Variants in HTR3B observed in about 807,000 individuals in gnomAD.
The protein encoded by HTR3B is 5-hydroxytryptamine (serotonin) receptor 3B, ionotropic.
A neutral mutation model predicts 42.8 loss-of-function variants in HTR3B; 44 were observed. That is an observed-to-expected ratio of 1.03 (90% CI 0.81 to 1.32). The LOEUF (loss-of-function observed/expected upper bound fraction) is 1.32. Among genes scored for constraint, HTR3B ranks in the 40% most tolerant of loss-of-function variants. The pLI, the probability that HTR3B is intolerant of heterozygous loss-of-function variation, is 0.00. For missense variants in HTR3B, 527 were observed against 536.5 expected (o/e 0.98, Z 0.17); for synonymous variants, 203 against 209.0 (o/e 0.97, Z 0.25).
chr11:113,926,537 T>TTTCCTTTCCTTTCCTTTCCTTTCC (rs1949977006), intron 2 of HTR3B, among the ~76,000 whole-genome samples: 1 of 77,414 alleles, frequency 1.3e-5, no homozygotes. Context: ...CCTTTCCTTT[T>TTTCCTTTCCTTTCCTTTCCTTTCC]TTTCTTTTTC....
intron 6 of HTR3B, among the ~76,000 whole-genome samples, chr11:113,935,798 A>G (rs1950086955): frequency 6.6e-6 from 1 of 152,144 alleles, no homozygotes; most frequent in African/African-American, 2.4e-5. Flanking sequence ...GTCTCAGTCC[A>G]GGCTGCCCAG....
rs796366651 is a variant in HTR3B, at chr11:113,910,265, A to G, written c.213+810A>G. Among the ~76,000 whole-genome samples, 80 of 152,124 alleles carry G rather than the reference A, an allele frequency of 5.3e-4. 1 individual carries two copies. The highest frequency in any genetic ancestry group is 5.0e-3 in the Admixed American group (76 of 15,256). Reference sequence around the variant, plus strand: ...TTTATTAAAGCATCCTTTTTCTCCTATGTCTGAAAGATGGGCTGTGGGAAT... The same window carrying G: ...TTTATTAAAGCATCCTTTTTCTCCTGTGTCTGAAAGATGGGCTGTGGGAAT... On this transcript the variant is annotated intron_variant, in intron 2 of 8. Coordinates refer to ENST00000260191, the MANE Select transcript of HTR3B (RefSeq NM_006028.5).
At chr11:113,903,640 C>A (rs1374403413), upstream of HTR3B, among the ~76,000 whole-genome samples, 2 of 151,870 alleles carry the variant, frequency 1.3e-5, no homozygotes, top group Non-Finnish European at 2.9e-5. Context: ...GTTGGTCAGG[C>A]TGGTCTCAAA....
intron 6 of HTR3B, among the ~76,000 whole-genome samples, chr11:113,934,316 A>G (rs1403136375): frequency 6.6e-6 from 1 of 152,020 alleles, no homozygotes; most frequent in Non-Finnish European, 1.5e-5. Flanking sequence ...AGATCATACC[A>G]CTGCGCTCCA....
Position 113,909,424 on chromosome 11 carries a change from T to C in HTR3B, c.182T>C (p.Leu61Pro). ...TGGACCAAGGCCACCACAGTCTACC[T>C]GGACCTGTTCGTCCATGCTATATTG... ...YNWTKATTVY[L>P]DLFVHAILDV... Residue 61 changes from leucine (L) to proline (P), a missense_variant, in exon 2 of 9, where the codon CTG becomes CCG. By Grantham distance (98) the Leu-to-Pro change is moderately conservative. Transcript: ENST00000260191. 1 of 1,614,178 alleles carries C rather than the reference T, an allele frequency of 6.2e-7. No individual in the cohort carries two copies.
chr11:113,911,101 C>G (rs564480395), intron 2 of HTR3B, among the ~76,000 whole-genome samples: 2 of 152,192 alleles, frequency 1.3e-5, no homozygotes, highest in African/African-American at 4.8e-5. Flanking sequence ...GCTGGGATTA[C>G]AGGCGTGAGC....
In HTR3B at chr11:113,945,940, A is replaced by T. The variant is rs1405646621; in HGVS notation, c.1129A>T (p.Thr377Ser). The change falls in exon 9 of 9, where the codon ACC becomes TCC. Residue 377 changes from threonine (T) to serine (S), a missense_variant. Thr to Ser is a moderately conservative substitution (Grantham distance 58, BLOSUM62 1). Transcript: ENST00000260191. ...TGGAGAGCACCTGGCCCAGCCAGGAACCCTGAAGGAAGTCTGGTCGCAGCT... is the reference window on the plus strand; with the variant it reads ...TGGAGAGCACCTGGCCCAGCCAGGATCCCTGAAGGAAGTCTGGTCGCAGCT... Reference protein sequence around the residue: ...LYGEHLAQPGTLKEVWSQLQS... With the variant: ...LYGEHLAQPGSLKEVWSQLQS... 1.2e-6 allele frequency: 2 copies of T among 1,614,148 alleles called. No individual in the cohort carries two copies. The highest frequency in any genetic ancestry group is 1.6e-4 in the Middle Eastern group (1 of 6,062).
At chr11:113,902,061 A>G (rs1296061385), upstream of HTR3B, among the ~76,000 whole-genome samples, 1 of 152,162 alleles carries the variant, frequency 6.6e-6, no homozygotes, top group Non-Finnish European at 1.5e-5. Context: ...TTCCCTCTTG[A>G]TGAAGCCCCA....
chr11:113,937,373 T>C (rs1176738), intron 6 of HTR3B, among the ~76,000 whole-genome samples: 12,711 of 152,252 alleles, frequency 0.083, 870 homozygotes, highest in African/African-American at 0.19. Flanking sequence ...AAACATCTTT[T>C]GAGTTCTTAC....
chr11:113,927,847 C>A (rs2137515288), intron 2 of HTR3B, among the ~76,000 whole-genome samples: 1 of 152,252 alleles, frequency 6.6e-6, no homozygotes, highest in Non-Finnish European at 1.5e-5. Context: ...GTGTGAGCCA[C>A]CGCACCCGGC....
chr11:113,908,269 G>A (rs1296282814), intron 1 of HTR3B, among the ~76,000 whole-genome samples: 1 of 152,058 alleles, frequency 6.6e-6, no homozygotes, highest in African/African-American at 2.4e-5. Flanking sequence ...TAAAGAAATG[G>A]GTATAAACAG....
chr11:113,932,824 G>A (rs888053289), intron 5 of HTR3B, 112 bp from the exon 6 acceptor site: 132 of 1,038,154 alleles, frequency 1.3e-4, no homozygotes, highest in Non-Finnish European at 1.6e-4. Flanking sequence ...CAAGGAGACT[G>A]TGCCTATGGG....
At position 113,908,939 on chromosome 11, in the gene HTR3B, T is replaced by A. The variant is rs529933199; in HGVS notation, c.53-356T>A. The A allele has an allele frequency of 1.5e-5, 5 of 326,750 alleles. No individual in the cohort carries two copies. The South Asian group carries it at 5.3e-4, about 35-fold the overall frequency. 20.2% of individuals were successfully genotyped at this position (326,750 alleles called of 1,614,324 possible). A position where few individuals can be genotyped will look rare whatever the true frequency, so the allele number is the denominator to read the frequency against. On this transcript the variant is annotated intron_variant, in intron 1 of 8. Coordinates refer to ENST00000260191, the MANE Select transcript of HTR3B (RefSeq NM_006028.5). ...ACGCGGGAGTTAAGTTTTGGCTAAG[T>A]GTGTAGGTGGGTTTTTTCTAGATGC...
chr11:113,903,800 G>C (rs1408258640), upstream of HTR3B, among the ~76,000 whole-genome samples: 2 of 152,096 alleles, frequency 1.3e-5, no homozygotes, highest in Non-Finnish European at 2.9e-5. Flanking sequence ...CCAAAACCAA[G>C]TCAACACCAA....
chr11:113,947,399 G>T lies in HTR3B; in HGVS notation c.*1262G>T, dbSNP rs1950188552. Among the ~76,000 whole-genome samples, 1 of 152,208 alleles carries T rather than the reference G, an allele frequency of 6.6e-6. No individual in the cohort carries two copies. Among genetic ancestry groups the T allele is most frequent in the South Asian group, 2.1e-4 (1 of 4,836 alleles). On this transcript the variant is annotated 3_prime_UTR_variant, in exon 9 of 9. Coordinates refer to ENST00000260191, the MANE Select transcript of HTR3B (RefSeq NM_006028.5). ...GTTCACGGTCCTTTGCTTCAAGGAA[G>T]TTATAATCCACTGTCCCTGAACTAG...
Position 113,946,592 on chromosome 11 carries a change from C to G in HTR3B, c.*455C>G. The G allele has an allele frequency of 6.5e-6, 1 of 153,904 alleles. No individual in the cohort carries two copies. Among genetic ancestry groups the G allele is most frequent in the East Asian group, 1.9e-4 (1 of 5,236 alleles). 9.5% of individuals were successfully genotyped at this position (153,904 alleles called of 1,614,324 possible). A position where few individuals can be genotyped will look rare whatever the true frequency, so the allele number is the denominator to read the frequency against. ...TCTCCATTGAGTCCAGCTTCATACA[C>G]CTAATAGTCTGCTGTGTGACCCAAG... On this transcript the variant is annotated 3_prime_UTR_variant, in exon 9 of 9. Transcript: ENST00000260191.
chr11:113,941,850 C>T (rs1379737434), intron 6 of HTR3B, among the ~76,000 whole-genome samples: 1 of 152,158 alleles, frequency 6.6e-6, no homozygotes, highest in Admixed American at 6.5e-5. Flanking sequence ...CCCTTGACTC[C>T]TTCAGGCCTA....
Position 113,931,381 on chromosome 11 carries a change from C to T in HTR3B, c.214-3C>T. On this transcript the variant is annotated splice_region_variant and splice_polypyrimidine_tract_variant and intron_variant, in intron 2 of 8. Transcript: ENST00000260191. The stretch of plus-strand genomic sequence containing the variant: ...TGGAGTGGATTTTCTTTTTGCCTTG[C>T]AGGATGCAGAGAATCAAATATTAAA... 6.3e-7 allele frequency: 1 copy of T among 1,599,262 alleles called. No homozygotes were observed. Among genetic ancestry groups the T allele is most frequent in the Admixed American group, 1.7e-5 (1 of 57,610 alleles).
chr11:113,931,876 G>A lies in HTR3B; in HGVS notation c.368+9G>A, dbSNP rs189052360. ...ATCATCATCAATGAGTTGTAAGTGTGCCAGTGTGTATTTCTGTGGGGTTTA... is the reference window on the plus strand; with the variant it reads ...ATCATCATCAATGAGTTGTAAGTGTACCAGTGTGTATTTCTGTGGGGTTTA... On this transcript the variant is annotated intron_variant, in intron 4 of 8. Transcript: ENST00000260191. 8.7e-5 allele frequency: 130 copies of A among 1,488,190 alleles called. No homozygotes were observed. The East Asian group carries it at 2.2e-3, about 25-fold the overall frequency. 92.2% of individuals were successfully genotyped at this position (1,488,190 alleles called of 1,614,324 possible).
Sources: gnomAD v4.1 joint callset for allele counts (sites outside exome capture counted in the v4.1 genomes callset) on GRCh38, gnomAD v4.1.1 for gene constraint, MANE v1.5 for transcripts, NCBI Gene and HGNC (gene_info 2026-07-23, HGNC 2026-07-21) for gene names.